The following CCDC122 variants were observed in gnomAD, a reference collection of about 807,000 sequenced individuals.
CCDC122 encodes coiled-coil domain containing 122.
A neutral mutation model predicts 37.0 loss-of-function variants in CCDC122; 38 were observed. The ratio of observed to expected loss-of-function variants is 1.03; its 90% CI spans 0.79 to 1.35. CCDC122 has a LOEUF of 1.35. Ranked by LOEUF, CCDC122 falls within the 40% of genes most tolerant of loss-of-function variation. The pLI, the probability that CCDC122 is intolerant of heterozygous loss-of-function variation, is 0.00. For missense variants in CCDC122, 305 were observed against 310.0 expected (o/e 0.98, Z 0.12); for synonymous variants, 83 against 95.6 (o/e 0.87, Z 0.77).
downstream of CCDC122, among the ~76,000 whole-genome samples, chr13:43,822,758 C>T (rs1437448733): frequency 1.3e-5 from 2 of 152,174 alleles, no homozygotes; most frequent in Non-Finnish European, 1.5e-5. Context: ...CAGGGCACTG[C>T]TGATGTTCAC....
At chr13:43,852,581 G>A (rs1381917277) in intron 6 of CCDC122, among the ~76,000 whole-genome samples, 1 of 152,040 alleles carries the variant, frequency 6.6e-6, no homozygotes, top group African/African-American at 2.4e-5. Flanking sequence ...TCATCTATGA[G>A]AACTTCCCCA....
At chr13:43,857,956 G>A (rs1953977783) in intron 6 of CCDC122, among the ~76,000 whole-genome samples, 1 of 152,050 alleles carries the variant, frequency 6.6e-6, no homozygotes, top group Non-Finnish European at 1.5e-5. Flanking sequence ...TTTTACCACT[G>A]ATACACTGTC....
intron 2 of CCDC122, among the ~76,000 whole-genome samples, chr13:43,869,906 A>G (rs1272406971): frequency 6.6e-6 from 1 of 152,120 alleles, no homozygotes; most frequent in Admixed American, 6.5e-5. Flanking sequence ...CAGGAAATAT[A>G]GCACTCCTGT....
intron 6 of CCDC122, among the ~76,000 whole-genome samples, chr13:43,853,515 G>A (rs1001364698): frequency 1.3e-5 from 2 of 152,078 alleles, no homozygotes; most frequent in African/African-American, 4.8e-5. Flanking sequence ...CCTTCAAACA[G>A]ACTTAGACCC....
chr13:43,847,968 T>A (rs1953599309), intron 6 of CCDC122, among the ~76,000 whole-genome samples: 1 of 152,176 alleles, frequency 6.6e-6, no homozygotes, highest in African/African-American at 2.4e-5. Flanking sequence ...AGAGACAGTG[T>A]TTTGCCATGC....
intron 4 of CCDC122, among the ~76,000 whole-genome samples, chr13:43,864,592 T>C (rs1205971046): frequency 1.3e-5 from 2 of 152,110 alleles, no homozygotes; most frequent in Non-Finnish European, 2.9e-5. Flanking sequence ...GGGGAACTAA[T>C]AGAATGAGAA....
At chr13:43,823,155 G>A (rs1377671806), downstream of CCDC122, among the ~76,000 whole-genome samples, 2 of 152,060 alleles carry the variant, frequency 1.3e-5, no homozygotes, top group Non-Finnish European at 2.9e-5. Flanking sequence ...GTCAGCAGGT[G>A]ATGAATCCTA....
intron 6 of CCDC122, chr13:43,855,145 G>A (rs1594837237): frequency 6.6e-6 from 1 of 152,100 alleles, no homozygotes; most frequent in East Asian, 1.9e-4. Flanking sequence ...GCAAGAGAAA[G>A]AAATAAAACA....
intron 6 of CCDC122, among the ~76,000 whole-genome samples, chr13:43,844,201 C>T (rs989962117): frequency 1.3e-4 from 19 of 151,912 alleles, no homozygotes; most frequent in African/African-American, 4.3e-4. Flanking sequence ...ACTGCTTTAG[C>T]TTCACCCCAT....
chr13:43,855,146 A>T (rs1832344177), intron 6 of CCDC122: 1 of 152,162 alleles, frequency 6.6e-6, no homozygotes. Flanking sequence ...CAAGAGAAAG[A>T]AATAAAACAT....
At chr13:43,851,647 G>GCTGTGCT (rs1226208779) in intron 6 of CCDC122, among the ~76,000 whole-genome samples, 1 of 152,146 alleles carries the variant, frequency 6.6e-6, no homozygotes, top group Non-Finnish European at 1.5e-5. Flanking sequence ...TGCTGCTGCT[G>GCTGTGCT]GCATGCACAA....
At chr13:43,852,130 G>A (rs1194849576) in intron 6 of CCDC122, among the ~76,000 whole-genome samples, 2 of 152,008 alleles carry the variant, frequency 1.3e-5, no homozygotes, top group East Asian at 3.9e-4. Context: ...ATTCTGAACT[G>A]GGCTGAAATG....
At chr13:43,824,431 T>G (rs1953020565) in intron 3 of CCDC122, among the ~76,000 whole-genome samples, 1 of 152,198 alleles carries the variant, frequency 6.6e-6, no homozygotes, top group Non-Finnish European at 1.5e-5. Context: ...AACTTAAATG[T>G]AAGACCTCAA....
chr13:43,845,377 A>G (rs984587631), intron 6 of CCDC122, among the ~76,000 whole-genome samples: 4 of 152,164 alleles, frequency 2.6e-5, no homozygotes, highest in African/African-American at 9.7e-5. Context: ...CATATTTTCC[A>G]TTTCTAGTCC....
At position 43,860,034 on chromosome 13, in the gene CCDC122, T is replaced by A; in HGVS notation, c.193A>T (p.Ile65Phe). 6.5e-7 allele frequency: 1 copy of A among 1,549,194 alleles called. No homozygotes were observed. Among genetic ancestry groups the A allele is most frequent in the Non-Finnish European group, 8.7e-7 (1 of 1,147,732 alleles). ...LHELEKEIAAISAETKETERQ... is the reference protein window; with the variant it reads ...LHELEKEIAAFSAETKETERQ... ...TCTGTTTCTTTAGTTTCTGCAGAGA[T>A]AGCTGCTATTTCTTTTTCAAGCTCA... Residue 65 changes from isoleucine to phenylalanine, a missense_variant, in exon 5 of 7, where the codon ATC becomes TTC. Ile to Phe is a conservative substitution (Grantham distance 21). Coordinates refer to ENST00000444614, the MANE Select transcript of CCDC122 (RefSeq NM_144974.5).
At chr13:43,846,906 T>C (rs572634738) in intron 6 of CCDC122, among the ~76,000 whole-genome samples, 1 of 152,326 alleles carries the variant, frequency 6.6e-6, no homozygotes, top group South Asian at 2.1e-4. Context: ...AACTATAAGA[T>C]ATTACTACTA....
At chr13:43,838,753 T>G (rs1953249267) in intron 6 of CCDC122, among the ~76,000 whole-genome samples, 1 of 152,098 alleles carries the variant, frequency 6.6e-6, no homozygotes, top group South Asian at 2.1e-4. Context: ...CAGGTCTTTG[T>G]GGTGTTTCTA....
chr13:43,852,979 T>C (rs1953793660), intron 6 of CCDC122, among the ~76,000 whole-genome samples: 1 of 152,174 alleles, frequency 6.6e-6, no homozygotes, highest in South Asian at 2.1e-4. Flanking sequence ...TAAGAGCTCC[T>C]GAAGAAAGCA....
At chr13:43,872,088 C>T (rs1362161634) in intron 2 of CCDC122, among the ~76,000 whole-genome samples, 2 of 151,988 alleles carry the variant, frequency 1.3e-5, no homozygotes, top group African/African-American at 4.8e-5. Flanking sequence ...ATAACTCTAC[C>T]TTATCCATAA....
Sources: gnomAD v4.1 joint callset for allele counts (sites outside exome capture counted in the v4.1 genomes callset) on GRCh38, gnomAD v4.1.1 for gene constraint, MANE v1.5 for transcripts, NCBI Gene and HGNC (gene_info 2026-07-23, HGNC 2026-07-21) for gene names.